NCR1: variants seen among roughly 807,000 people sequenced by gnomAD.
NCR1 encodes NK cell-activating receptor.
In NCR1, 30 loss-of-function variants were observed where a neutral mutation model predicts 32.5. The observed-to-expected ratio is 0.92, with a 90% CI of 0.69 to 1.25. The LOEUF is 1.25. Ranked by LOEUF, NCR1 falls within the 50% of genes most tolerant of loss-of-function variation. NCR1 has a pLI of 0.00. For synonymous variants in NCR1, 169 were observed against 143.4 expected (o/e 1.18, Z -1.28); for missense variants, 369 against 380.7 (o/e 0.97, Z 0.26).
At chr19:54,903,474 A>G (rs2067362516), upstream of NCR1, among the ~76,000 whole-genome samples, 1 of 136,946 alleles carries the variant, frequency 7.3e-6, no homozygotes, top group East Asian at 3.1e-4. Context: ...GTATACACGG[A>G]TACATGTATG....
At chr19:54,903,358 A>ACACG (rs1491561202), upstream of NCR1, among the ~76,000 whole-genome samples, 98 of 118,274 alleles carry the variant, frequency 8.3e-4, 8 homozygotes, top group African/African-American at 3.5e-3. Context: ...ATGCATATAT[A>ACACG]CATACATGTA....
At chr19:54,925,641 C>G in the NCR1 span, among the ~76,000 whole-genome samples, 1 of 151,990 alleles carries the variant, frequency 6.6e-6, no homozygotes, top group African/African-American at 2.4e-5. Context: ...TGCAGCAGAG[C>G]AAAACGTTGT....
chr19:54,932,101 A>G, the NCR1 span, among the ~76,000 whole-genome samples: 1 of 152,276 alleles, frequency 6.6e-6, no homozygotes, highest in South Asian at 2.1e-4. Context: ...TACACTTCGT[A>G]TAACGATCAG....
chr19:54,923,618 G>T, the NCR1 span: 1 of 1,155,160 alleles, frequency 8.7e-7, no homozygotes, highest in Non-Finnish European at 1.3e-6. Context: ...GAAAACCAGT[G>T]TCAAATCCTA....
the NCR1 span, chr19:54,936,265 G>A: frequency 6.2e-7 from 1 of 1,612,830 alleles, no homozygotes; most frequent in Non-Finnish European, 8.5e-7. Context: ...ACCCACCTCA[G>A]GTACTGCAGG....
At chr19:54,935,986 A>G in the NCR1 span, among the ~76,000 whole-genome samples, 1 of 152,216 alleles carries the variant, frequency 6.6e-6, no homozygotes, top group South Asian at 2.1e-4. Context: ...CAATCCCAAC[A>G]ATTAGGCAAG....
chr19:54,903,404 ATG>A (rs1333258466), upstream of NCR1, among the ~76,000 whole-genome samples: 6 of 143,720 alleles, frequency 4.2e-5, no homozygotes, highest in South Asian at 2.2e-4. Flanking sequence ...ATGTATATGT[ATG>A]TATACACGCA....
chr19:54,919,486 T>C (rs1423846114), downstream of NCR1, among the ~76,000 whole-genome samples: 1 of 152,242 alleles, frequency 6.6e-6, no homozygotes, highest in South Asian at 2.1e-4. Flanking sequence ...TATTTCTGCA[T>C]ATCAGGGACT....
chr19:54,935,694 G>GAAA, the NCR1 span, among the ~76,000 whole-genome samples: 1 of 106,038 alleles, frequency 9.4e-6, no homozygotes, highest in Non-Finnish European at 2.2e-5. Flanking sequence ...CTGTCTCAAA[G>GAAA]AAAAAAAAAA....
the NCR1 span, among the ~76,000 whole-genome samples, chr19:54,900,450 A>G: frequency 6.6e-6 from 1 of 152,170 alleles, no homozygotes; most frequent in Non-Finnish European, 1.5e-5. Context: ...ATTTCATAAG[A>G]TAATGTCATC....
At chr19:54,916,622 T>C (rs963501765), downstream of NCR1, among the ~76,000 whole-genome samples, 14 of 151,512 alleles carry the variant, frequency 9.2e-5, no homozygotes, top group African/African-American at 3.4e-4. Context: ...TTGTGCTTTT[T>C]GACCAACATC....
At chr19:54,919,716 C>CA (rs1047918907), downstream of NCR1, among the ~76,000 whole-genome samples, 1 of 130,852 alleles carries the variant, frequency 7.6e-6, no homozygotes, top group African/African-American at 2.8e-5. Flanking sequence ...AAAGGGAGAC[C>CA]CCCCCCCCCA....
upstream of NCR1, among the ~76,000 whole-genome samples, chr19:54,901,389 A>G (rs1230031433): frequency 6.9e-6 from 1 of 145,186 alleles, no homozygotes; most frequent in African/African-American, 2.5e-5. Context: ...AAAAAAGATT[A>G]GTAATATCCT....
chr19:54,912,082 A>C, intron 5 of NCR1, 86 bp from the exon 6 acceptor site: 1 of 1,189,762 alleles, frequency 8.4e-7, no homozygotes, highest in Non-Finnish European at 1.3e-6. Flanking sequence ...AAAGCTGCAG[A>C]ACGTCATGGG....
the NCR1 span, among the ~76,000 whole-genome samples, chr19:54,937,294 A>T: frequency 6.6e-6 from 1 of 152,006 alleles, no homozygotes. Context: ...TTGGGTGACA[A>T]AATAATCTGT....
the NCR1 span, chr19:54,936,347 C>T: frequency 6.2e-7 from 1 of 1,613,916 alleles, no homozygotes; most frequent in Admixed American, 1.7e-5. Context: ...TGTGCCCTGC[C>T]AGGGTCAGGT....
upstream of NCR1, among the ~76,000 whole-genome samples, chr19:54,904,313 A>G (rs4806616): frequency 0.056 from 8,435 of 151,836 alleles, 289 homozygotes; most frequent in Middle Eastern, 0.12. Context: ...GCATATGTAT[A>G]CTGTACACAG....
At chr19:54,922,865 C>A in the NCR1 span, among the ~76,000 whole-genome samples, 3 of 149,808 alleles carry the variant, frequency 2.0e-5, no homozygotes, top group African/African-American at 5.0e-5. Flanking sequence ...GAGACACACA[C>A]AGAGAAACAC....
At chr19:54,930,796 A>G in the NCR1 span, 1 of 766,306 alleles carries the variant, frequency 1.3e-6, no homozygotes, top group Non-Finnish European at 2.3e-6. Flanking sequence ...GCTCACTGCA[A>G]CCTCTGCCTC....
Sources: allele counts gnomAD v4.1 joint callset (sites outside exome capture counted in the v4.1 genomes callset), GRCh38; gene constraint gnomAD v4.1.1; transcripts MANE v1.5; gene names NCBI Gene and HGNC (gene_info 2026-07-23, HGNC 2026-07-21).